ARAP2: variants seen among roughly 807,000 people sequenced by gnomAD.
The protein encoded by ARAP2 is ArfGAP with RhoGAP domain, ankyrin repeat and PH domain 2.
ARAP2 carries 148 observed loss-of-function variants against 194.5 expected under a neutral mutation model. The observed-to-expected ratio is 0.76, with a 90% CI of 0.67 to 0.87. The LOEUF is 0.87. Among genes scored for constraint, ARAP2 ranks in the 40% least tolerant of loss-of-function variants. The probability of loss-of-function intolerance (pLI) is 0.00; values close to 1 mark genes in which losing one functional copy is unlikely to be tolerated. For missense variants in ARAP2, 2,128 were observed against 1,989.7 expected (o/e 1.07, Z -1.32); for synonymous variants, 695 against 683.5 (o/e 1.02, Z -0.26).
At chr4:36,183,414 T>A (rs1739749627) in intron 8 of ARAP2, among the ~76,000 whole-genome samples, 1 of 152,114 alleles carries the variant, frequency 6.6e-6, no homozygotes. Context: ...GGGTCTAGAA[T>A]CTGCTAAGAT....
In ARAP2 at chr4:36,165,158, G is replaced by A. The variant is rs774222266; in HGVS notation, c.1974-45C>T. 2.0e-5 allele frequency: 32 copies of A among 1,577,830 alleles called. No homozygotes were observed. The Admixed American group carries it at 2.4e-4, about 12-fold the overall frequency. On this transcript the variant is annotated intron_variant, in intron 10 of 32. Coordinates refer to ENST00000303965, the MANE Select transcript of ARAP2 (RefSeq NM_015230.4). ...TGTGTTATCGATCTCCCTTGTAAAG[G>A]CCAATTAAGCAGTATGTTCAGTTTG...
intron 15 of ARAP2, among the ~76,000 whole-genome samples, chr4:36,153,031 G>A (rs754470479): frequency 6.6e-6 from 1 of 152,186 alleles, no homozygotes; most frequent in Non-Finnish European, 1.5e-5. Context: ...TAACATAAAT[G>A]TGACTGCAGA....
chr4:36,183,628 T>C (rs904232421), intron 8 of ARAP2, among the ~76,000 whole-genome samples: 1 of 152,246 alleles, frequency 6.6e-6, no homozygotes, highest in African/African-American at 2.4e-5. Flanking sequence ...ATAGCTGTTA[T>C]GATCCACAGA....
chr4:36,091,845 C>T, intron 28 of ARAP2, 36 bp downstream of exon 28: 2 of 1,547,548 alleles, frequency 1.3e-6, no homozygotes, highest in Middle Eastern at 2.1e-4. Context: ...TTAATACCCA[C>T]ACAAATAAAA....
intron 8 of ARAP2, among the ~76,000 whole-genome samples, chr4:36,014,297 GA>G (rs869236110): frequency 1.5e-5 from 2 of 130,020 alleles, no homozygotes; most frequent in African/African-American, 3.1e-5. Flanking sequence ...AAGAAAGAAA[GA>G]AGAGAAGGAA....
In ARAP2 at chr4:36,229,128, AACTG is replaced by A. The variant is rs1380659281; in HGVS notation, c.355_358del (p.Gln119TrpfsTer42). ...TTCAAGATTTTTTCTAACAGTCTCCAACTGCGGTGGGCTAGATGTCTGAACACTA... is the reference window on the plus strand; with the variant it reads ...TTCAAGATTTTTTCTAACAGTCTCCACGGTGGGCTAGATGTCTGAACACTA... On this transcript the variant is annotated frameshift_variant, in exon 2 of 33. Coordinates refer to ENST00000303965, the MANE Select transcript of ARAP2 (RefSeq NM_015230.4). LOFTEE classifies it high-confidence loss of function. 6.2e-7 allele frequency: 1 copy of A among 1,614,086 alleles called. No homozygotes were observed. Among genetic ancestry groups the A allele is most frequent in the Non-Finnish European group, 8.5e-7 (1 of 1,179,990 alleles).
intron 27 of ARAP2, among the ~76,000 whole-genome samples, chr4:36,101,021 T>A (rs760239933): frequency 7.9e-5 from 12 of 152,002 alleles, no homozygotes; most frequent in Non-Finnish European, 1.5e-4. Flanking sequence ...AAATAACAAT[T>A]TAAAATACAA....
Position 36,210,626 on chromosome 4 carries a change from T to A in ARAP2, c.1251A>T (p.Thr417=). The A allele has an allele frequency of 6.2e-7, 1 of 1,613,926 alleles. No individual in the cohort carries two copies. Among genetic ancestry groups the A allele is most frequent in the Non-Finnish European group, 8.5e-7 (1 of 1,179,870 alleles). ...TTAAACTCTGAAAGCATTCTTCTACTGTTGAGTATTCTGATTCAGAAGCAG... is the reference window on the plus strand; with the variant it reads ...TTAAACTCTGAAAGCATTCTTCTACAGTTGAGTATTCTGATTCAGAAGCAG... The part of the protein sequence containing the change: ...IDTASESEYS[T]VEECFQSLRR... Residue 417 remains threonine, a synonymous_variant, in exon 6 of 33, where the codon ACA becomes ACT. Transcript: ENST00000303965.
At chr4:36,138,848 A>C (rs147942840) in intron 19 of ARAP2, among the ~76,000 whole-genome samples, 5 of 151,820 alleles carry the variant, frequency 3.3e-5, no homozygotes, top group Admixed American at 2.0e-4. Flanking sequence ...ATACTTGCCA[A>C]CACTTTGCAC....
chr4:36,120,589 T>A (rs958037067), intron 23 of ARAP2, among the ~76,000 whole-genome samples: 6 of 151,598 alleles, frequency 4.0e-5, no homozygotes, highest in African/African-American at 1.4e-4. Context: ...ATCCACCAAT[T>A]TGAATCCTGG....
At chr4:36,188,801 G>C (rs1454230785) in intron 7 of ARAP2, among the ~76,000 whole-genome samples, 1 of 152,150 alleles carries the variant, frequency 6.6e-6, no homozygotes, top group African/African-American at 2.4e-5. Flanking sequence ...CAAGTACTGA[G>C]TTTATATTTC....
chr4:36,168,501 T>C (rs916890838), intron 9 of ARAP2, among the ~76,000 whole-genome samples: 1 of 152,198 alleles, frequency 6.6e-6, no homozygotes, highest in Non-Finnish European at 1.5e-5. Flanking sequence ...TGTCATTTAG[T>C]ACTAATGTGT....
At chr4:36,159,014 T>A (rs1733277387) in intron 14 of ARAP2, 150 bp from the exon 15 acceptor site, 2 of 843,934 alleles carry the variant, frequency 2.4e-6, no homozygotes, top group Non-Finnish European at 3.4e-6. Context: ...TTACTTTGCA[T>A]AAAATTTGCA....
chr4:36,082,825 TACA>T (rs1729879928), intron 29 of ARAP2, among the ~76,000 whole-genome samples: 1 of 152,118 alleles, frequency 6.6e-6, no homozygotes, highest in Non-Finnish European at 1.5e-5. Flanking sequence ...AATGCTGGGG[TACA>T]TGAAGTGTTA....
At chr4:36,233,105 A>C (rs1251237512) in intron 1 of ARAP2, among the ~76,000 whole-genome samples, 3 of 152,022 alleles carry the variant, frequency 2.0e-5, no homozygotes, top group Non-Finnish European at 2.9e-5. Flanking sequence ...ATTAATGTCA[A>C]CTCTGTCCTC....
intron 24 of ARAP2, 132 bp downstream of exon 24, chr4:36,119,518 G>GTT (rs60869581): frequency 9.3e-3 from 4,520 of 486,734 alleles, no homozygotes; most frequent in East Asian, 0.02. Flanking sequence ...CAACCAATTA[G>GTT]TTTTTTTTTT....
chr4:36,128,429 T>C (rs537066561), intron 21 of ARAP2, 104 bp downstream of exon 21: 6 of 844,124 alleles, frequency 7.1e-6, no homozygotes, highest in Non-Finnish European at 1.1e-5. Flanking sequence ...ATCAAAGATG[T>C]TTAAAGTCTA....
At chr4:36,228,534 T>C in intron 2 of ARAP2, 48 bp downstream of exon 2, 1 of 1,497,560 alleles carries the variant, frequency 6.7e-7, no homozygotes, top group South Asian at 1.4e-5. Flanking sequence ...AAAAAATCAC[T>C]GAATTTCCTC....
At chr4:36,199,943 C>T (rs1744015765) in intron 6 of ARAP2, among the ~76,000 whole-genome samples, 2 of 152,044 alleles carry the variant, frequency 1.3e-5, no homozygotes. Flanking sequence ...ACACTGTATA[C>T]CTTAAACACA....
Sources: allele counts gnomAD v4.1 joint callset (sites outside exome capture counted in the v4.1 genomes callset), GRCh38; gene constraint gnomAD v4.1.1; transcripts MANE v1.5; gene names NCBI Gene and HGNC (gene_info 2026-07-23, HGNC 2026-07-21).